Variants in ARHGEF10L observed in about 807,000 individuals in gnomAD.
ARHGEF10L encodes rho guanine nucleotide exchange factor 10-like protein.
Under a neutral mutation model 141.2 loss-of-function variants are expected in ARHGEF10L, and 69 were observed. The ratio of observed to expected loss-of-function variants is 0.49; its 90% CI spans 0.40 to 0.60. The LOEUF (loss-of-function observed/expected upper bound fraction) is 0.60. Among genes scored for constraint, ARHGEF10L ranks in the 20% least tolerant of loss-of-function variants. ARHGEF10L has a pLI of 0.00. For synonymous variants in ARHGEF10L, 711 were observed against 718.5 expected (o/e 0.99, Z 0.17); for missense variants, 1,482 against 1,734.3 (o/e 0.85, Z 2.58).
chr1:17,688,142 A>G (rs1342034473), intron 27 of ARHGEF10L, among the ~76,000 whole-genome samples: 1 of 152,194 alleles, frequency 6.6e-6, no homozygotes, highest in Non-Finnish European at 1.5e-5. Context: ...GGTGATGGGA[A>G]AGTGAGAAAG....
intron 27 of ARHGEF10L, among the ~76,000 whole-genome samples, chr1:17,691,945 A>G (rs1422714324): frequency 6.6e-6 from 1 of 152,196 alleles, no homozygotes; most frequent in African/African-American, 2.4e-5. Flanking sequence ...GAGCACACAG[A>G]TAAGTCACTG....
intron 4 of ARHGEF10L, among the ~76,000 whole-genome samples, chr1:17,591,034 A>G (rs1296756824): frequency 6.6e-6 from 1 of 151,840 alleles, no homozygotes; most frequent in Non-Finnish European, 1.5e-5. Flanking sequence ...ATACCACCCC[A>G]CCCCTCTACC....
At chr1:17,562,802 C>T (rs2077594182) in intron 1 of ARHGEF10L, among the ~76,000 whole-genome samples, 1 of 152,196 alleles carries the variant, frequency 6.6e-6, no homozygotes, top group African/African-American at 2.4e-5. Flanking sequence ...TAGGGCAGTC[C>T]ACTCCTGGCC....
chr1:17,654,324 T>C lies in ARHGEF10L; in HGVS notation c.2395-312T>C, dbSNP rs2062102079. On this transcript the variant is annotated intron_variant, in intron 22 of 28. Coordinates refer to ENST00000361221, the MANE Select transcript of ARHGEF10L (RefSeq NM_018125.4). This position sits in a 1 kb window ranked among gnomAD's most constrained non-coding sequence, Gnocchi z 4.3. ...CCCTCTGTGACCCTCATTTCCCTGTTTGTAAAATAAGGAGGGGTGGGTGGC... is the reference window on the plus strand; with the variant it reads ...CCCTCTGTGACCCTCATTTCCCTGTCTGTAAAATAAGGAGGGGTGGGTGGC... 6.6e-6 allele frequency among the ~76,000 whole-genome samples: 1 copy of C among 152,130 alleles called. No individual in the cohort carries two copies. The highest frequency in any genetic ancestry group is 2.4e-5 in the African/African-American group (1 of 41,422).
chr1:17,691,425 G>A (rs1319306583), intron 27 of ARHGEF10L, among the ~76,000 whole-genome samples: 1 of 152,082 alleles, frequency 6.6e-6, no homozygotes, highest in Non-Finnish European at 1.5e-5. Flanking sequence ...TCCAGTGGGG[G>A]CTGGGAGGAT....
chr1:17,637,865 G>C (rs2061101455), intron 18 of ARHGEF10L, 23 bp from the exon 19 acceptor site: 5 of 1,560,100 alleles, frequency 3.2e-6, no homozygotes, highest in Non-Finnish European at 4.3e-6. Context: ...ACCTGTGCCT[G>C]AGTTGGTCTC....
intron 1 of ARHGEF10L, among the ~76,000 whole-genome samples, chr1:17,574,828 G>C (rs1225669708): frequency 1.3e-5 from 2 of 152,200 alleles, no homozygotes; most frequent in East Asian, 1.9e-4. Context: ...TCTGTCAGGA[G>C]ACCCCGCCCC....
intron 25 of ARHGEF10L, among the ~76,000 whole-genome samples, chr1:17,659,506 G>A (rs1272425211): frequency 2.0e-5 from 3 of 152,158 alleles, no homozygotes; most frequent in East Asian, 1.9e-4. Context: ...ATTCACTGAG[G>A]CCTTAGATAC....
At chr1:17,575,104 C>CG (rs2078169323) in intron 1 of ARHGEF10L, among the ~76,000 whole-genome samples, 1 of 152,184 alleles carries the variant, frequency 6.6e-6, no homozygotes, top group Admixed American at 6.5e-5. Context: ...GTGTGTACCC[C>CG]GGGCCAGACC....
At chr1:17,691,265 C>T (rs1022856560) in intron 27 of ARHGEF10L, 51 of 368,180 alleles carry the variant, frequency 1.4e-4, no homozygotes, top group Non-Finnish European at 2.3e-4. Flanking sequence ...TTTTTTCTTT[C>T]GGACTGTTTG....
chr1:17,576,674 C>A (rs1356053170), intron 1 of ARHGEF10L, among the ~76,000 whole-genome samples: 1 of 152,210 alleles, frequency 6.6e-6, no homozygotes, highest in Non-Finnish European at 1.5e-5. Context: ...TTACTCCGTG[C>A]AGGGCATGGA....
At chr1:17,634,381 C>A in intron 16 of ARHGEF10L, 167 bp from the exon 17 acceptor site, 2 of 1,091,854 alleles carry the variant, frequency 1.8e-6, no homozygotes, top group Non-Finnish European at 2.7e-6. Flanking sequence ...GGAAGGCCCG[C>A]TTCTGTCCAC....
chr1:17,578,696 G>A (rs768113143), intron 1 of ARHGEF10L, among the ~76,000 whole-genome samples: 1 of 152,084 alleles, frequency 6.6e-6, no homozygotes, highest in Non-Finnish European at 1.5e-5. Flanking sequence ...AGTACCTATC[G>A]ATGGGGGCTA....
chr1:17,608,988 G>C (rs2059402287), intron 7 of ARHGEF10L, among the ~76,000 whole-genome samples: 1 of 152,134 alleles, frequency 6.6e-6, no homozygotes, highest in South Asian at 2.1e-4. Context: ...TCGTCATGTT[G>C]CCCAGGCTGG....
chr1:17,686,241 G>A (rs2064585296), intron 26 of ARHGEF10L, among the ~76,000 whole-genome samples: 1 of 152,130 alleles, frequency 6.6e-6, no homozygotes, highest in African/African-American at 2.4e-5. Flanking sequence ...CCATGGCTTG[G>A]GGATTTGGGT....
At chr1:17,646,252 G>A (rs536388529) in intron 21 of ARHGEF10L, among the ~76,000 whole-genome samples, 4 of 152,246 alleles carry the variant, frequency 2.6e-5, no homozygotes, top group South Asian at 4.1e-4. Context: ...CACCTCTCTC[G>A]GGCAGTGACG....
intron 26 of ARHGEF10L, among the ~76,000 whole-genome samples, chr1:17,672,330 CT>C (rs2063376077): frequency 6.6e-6 from 1 of 152,158 alleles, no homozygotes; most frequent in African/African-American, 2.4e-5. Flanking sequence ...TATTAGTTTT[CT>C]GTCTCCTATC....
At chr1:17,672,645 C>A (rs1183479989) in intron 26 of ARHGEF10L, among the ~76,000 whole-genome samples, 1 of 152,126 alleles carries the variant, frequency 6.6e-6, no homozygotes, top group Non-Finnish European at 1.5e-5. Flanking sequence ...GCAAGCAAAA[C>A]TTGAGAAATG....
At position 17,627,669 on chromosome 1, in the gene ARHGEF10L, C is replaced by A. The variant is rs146514342; in HGVS notation, c.1584+166C>A. 7.2e-5 allele frequency among the ~76,000 whole-genome samples: 11 copies of A among 152,306 alleles called. No homozygotes were observed. The highest frequency in any genetic ancestry group is 1.5e-4 in the Non-Finnish European group (10 of 68,024). Reference sequence around the variant, plus strand: ...CTTGGGGATTGGATCCTCAGCGGGACCCCCACGTTCATTCCTGTTCATGTT... The same window carrying A: ...CTTGGGGATTGGATCCTCAGCGGGAACCCCACGTTCATTCCTGTTCATGTT... On this transcript the variant is annotated intron_variant, in intron 15 of 28. Coordinates refer to ENST00000361221, the MANE Select transcript of ARHGEF10L (RefSeq NM_018125.4). This position sits in a 1 kb window ranked among gnomAD's most constrained non-coding sequence, Gnocchi z 4.0.
Sources: allele counts gnomAD v4.1 joint callset (sites outside exome capture counted in the v4.1 genomes callset), GRCh38; gene constraint gnomAD v4.1.1; non-coding constraint Gnocchi (gnomAD v3.1); transcripts MANE v1.5; gene names NCBI Gene and HGNC (gene_info 2026-07-23, HGNC 2026-07-21).